CHST13: variants seen among roughly 807,000 people sequenced by gnomAD.
CHST13 encodes the protein carbohydrate sulfotransferase 13.
CHST13 carries 1 observed loss-of-function variant against 7.0 expected under a neutral mutation model. That is an observed-to-expected ratio of 0.14 (90% CI 0.05 to 0.68). The LOEUF (loss-of-function observed/expected upper bound fraction) is 0.68. Ranked by LOEUF, CHST13 falls within the 30% of genes least tolerant of loss-of-function variation. The pLI, the probability that CHST13 is intolerant of heterozygous loss-of-function variation, is 0.82. For missense variants in CHST13, 572 were observed against 507.9 expected (o/e 1.13, Z -1.21); for synonymous variants, 257 against 240.9 (o/e 1.07, Z -0.62).
chr3:126,532,458 A>G (rs548828996), intron 1 of CHST13, among the ~76,000 whole-genome samples: 21 of 149,466 alleles, frequency 1.4e-4, no homozygotes, highest in Admixed American at 1.2e-3. Flanking sequence ...TGGTATGAAG[A>G]TGGGGTACAA....
chr3:126,536,067 C>T (rs923916047), intron 1 of CHST13, among the ~76,000 whole-genome samples: 3 of 152,162 alleles, frequency 2.0e-5, no homozygotes, highest in Non-Finnish European at 2.9e-5. Context: ...AGGAATGACA[C>T]AAGATACTAC....
chr3:126,541,019 G>T (rs1169880874), intron 2 of CHST13, among the ~76,000 whole-genome samples: 1 of 152,234 alleles, frequency 6.6e-6, no homozygotes, highest in Non-Finnish European at 1.5e-5. Flanking sequence ...GTGATCTGAA[G>T]AAAGGGGAGC....
chr3:126,538,584 A>G (rs953035672), intron 2 of CHST13, among the ~76,000 whole-genome samples: 2 of 152,254 alleles, frequency 1.3e-5, no homozygotes, highest in Admixed American at 6.5e-5. Context: ...GAAGACTGAC[A>G]GGTGGCCGGA....
At chr3:126,527,684 G>C (rs4465899) in intron 1 of CHST13, 69,943 of 152,084 alleles carry the variant, frequency 0.46, 16,627 homozygotes, top group African/African-American at 0.58. Flanking sequence ...GGCCTGGCAG[G>C]CATCCTCCTC....
Position 126,542,570 on chromosome 3 carries a change from C to G in CHST13, c.1018C>G (p.Leu340Val). The G allele has an allele frequency of 6.7e-7, 1 of 1,492,242 alleles. No homozygotes were observed. The highest frequency in any genetic ancestry group is 2.6e-5 in the East Asian group (1 of 38,308). 92.4% of individuals were successfully genotyped at this position (1,492,242 alleles called of 1,614,324 possible). A position where few individuals can be genotyped will look rare whatever the true frequency, so the allele number is the denominator to read the frequency against. The change falls in exon 3 of 3, where the codon CTG becomes GTG. Residue 340 changes from leucine to valine, a missense_variant. Coordinates refer to ENST00000319340, the MANE Select transcript of CHST13 (RefSeq NM_152889.3). ...CTACTCCGCCCCCTCCTACCTGCGGCTGCTCTAGCGGTCCTGGAGGTCCTG... is the reference window on the plus strand; with the variant it reads ...CTACTCCGCCCCCTCCTACCTGCGGGTGCTCTAGCGGTCCTGGAGGTCCTG... ...FNYSAPSYLRLL is the reference protein window; with the variant it reads ...FNYSAPSYLRVL
At chr3:126,533,344 AGTT>A (rs1936697111) in intron 1 of CHST13, among the ~76,000 whole-genome samples, 1 of 152,074 alleles carries the variant, frequency 6.6e-6, no homozygotes, top group Non-Finnish European at 1.5e-5. Context: ...TTCACTATTA[AGTT>A]ATCTGAGGGT....
intron 1 of CHST13, among the ~76,000 whole-genome samples, chr3:126,533,976 A>G (rs180969588): frequency 2.0e-5 from 3 of 152,002 alleles, no homozygotes; most frequent in African/African-American, 4.8e-5. Context: ...GAATTTGTCT[A>G]TTTCTTGTAT....
At chr3:126,539,736 A>G in intron 2 of CHST13, among the ~76,000 whole-genome samples, 2 of 103,774 alleles carry the variant, frequency 1.9e-5, no homozygotes, top group Admixed American at 9.6e-5. Flanking sequence ...CACACCACAC[A>G]CACACCCCAC....
chr3:126,536,498 G>C (rs1306494508), intron 2 of CHST13, 145 bp downstream of exon 2: 2 of 619,096 alleles, frequency 3.2e-6, no homozygotes, highest in East Asian at 2.9e-5. Context: ...CTTTGTCAGA[G>C]AGCAGTGACA....
chr3:126,530,112 C>G lies in CHST13; in HGVS notation c.97+5683C>G, dbSNP rs1043781321. ...ACCCAAGGATCCTCAAGATACCCCCCTTCTGACCTCCTGTGCCCATCTGTC... is the reference window on the plus strand; with the variant it reads ...ACCCAAGGATCCTCAAGATACCCCCGTTCTGACCTCCTGTGCCCATCTGTC... On this transcript the variant is annotated intron_variant, in intron 1 of 2. Coordinates refer to ENST00000319340, the MANE Select transcript of CHST13 (RefSeq NM_152889.3). Among the ~76,000 whole-genome samples the G allele has an allele frequency of 3.9e-5, 6 of 152,250 alleles. 1 individual carries two copies. The highest frequency in any genetic ancestry group is 5.9e-5 in the Non-Finnish European group (4 of 68,040).
intron 1 of CHST13, chr3:126,529,148 GC>G (rs1936596535): frequency 2.6e-6 from 1 of 388,678 alleles, no homozygotes; most frequent in Non-Finnish European, 4.6e-6. Flanking sequence ...CAGGGCGCGA[GC>G]CCTGCTTTGG....
chr3:126,536,896 A>AACACACACACAC lies in CHST13; in HGVS notation c.180+560_180+571dup, dbSNP rs10670471. Among the ~76,000 whole-genome samples the AACACACACACAC allele has an allele frequency of 1.6e-3, 225 of 140,488 alleles. 3 individuals are homozygous for AACACACACACAC. The highest frequency in any genetic ancestry group is 4.9e-3 in the South Asian group (20 of 4,072). 92.2% of individuals were successfully genotyped at this position (140,488 alleles called of 152,430 possible). Reference sequence around the variant, plus strand: ...TCTCTCTTTCTCACACACACACACAAACACACACACACACACACACACACA... The same window carrying AACACACACACAC: ...TCTCTCTTTCTCACACACACACACAAACACACACACACACACACACACACACACACACACACA... On this transcript the variant is annotated intron_variant, in intron 2 of 2. Transcript: ENST00000319340.
intron 1 of CHST13, among the ~76,000 whole-genome samples, chr3:126,534,249 A>G (rs1936715941): frequency 1.3e-5 from 2 of 152,388 alleles, no homozygotes; most frequent in Admixed American, 6.5e-5. Flanking sequence ...TATATAGGCT[A>G]TATTACTGAG....
At position 126,535,061 on chromosome 3, in the gene CHST13, CAG is replaced by C. The variant is rs1936744117; in HGVS notation, c.98-1208_98-1207del. ...AGCATCGCTGTCCTCAGCCGGGAGA[CAG>C]ACAGACAGCATCCCTGTCCCCAGCC... On this transcript the variant is annotated intron_variant, in intron 1 of 2. Coordinates refer to ENST00000319340, the MANE Select transcript of CHST13 (RefSeq NM_152889.3). Among the ~76,000 whole-genome samples, 154 of 46,242 alleles carry C rather than the reference CAG, an allele frequency of 3.3e-3. 6 individuals are homozygous for C. Among genetic ancestry groups the C allele is most frequent in the East Asian group, 9.9e-3 (12 of 1,218 alleles). 30.3% of individuals were successfully genotyped at this position (46,242 alleles called of 152,430 possible).
chr3:126,533,628 T>C (rs993913546), intron 1 of CHST13, among the ~76,000 whole-genome samples: 1 of 152,208 alleles, frequency 6.6e-6, no homozygotes, highest in Non-Finnish European at 1.5e-5. Flanking sequence ...GGTTTGCCCA[T>C]ATTTTTTGAG....
chr3:126,529,317 C>T, intron 1 of CHST13: 1 of 1,289,352 alleles, frequency 7.8e-7, no homozygotes, highest in Non-Finnish European at 1.0e-6. Context: ...GCTCTCTCTG[C>T]TCTCCTTCCC....
chr3:126,542,181 CGCGCGCGCTCCCCGACGCCCGG>C lies in CHST13; in HGVS notation c.632_653del (p.Arg211ProfsTer69). The C allele has an allele frequency of 6.9e-7, 1 of 1,447,224 alleles. No homozygotes were observed. The highest frequency in any genetic ancestry group is 2.9e-5 in the East Asian group (1 of 34,676). The allele number at this position is 1,447,224 out of a possible 1,614,324, so 89.6% of individuals were successfully genotyped here. A position where few individuals can be genotyped will look rare whatever the true frequency, so the allele number is the denominator to read the frequency against. On this transcript the variant is annotated frameshift_variant, in exon 3 of 3. Transcript: ENST00000319340. LOFTEE classifies it low-confidence loss of function (END_TRUNC). ...GCACGCATCGTTCAGCGCCTGCGGC[CGCGCGCGCTCCCCGACGCCCGG>C]GCCCGCGGCCACGACGTGCGCTTCG...
chr3:126,532,172 C>T (rs1936673857), intron 1 of CHST13, among the ~76,000 whole-genome samples: 1 of 152,194 alleles, frequency 6.6e-6, no homozygotes, highest in Admixed American at 6.5e-5. Context: ...TAGTTCCTTA[C>T]CAGAGAGATA....
chr3:126,530,133 C>T (rs182101030), intron 1 of CHST13, among the ~76,000 whole-genome samples: 25 of 152,386 alleles, frequency 1.6e-4, no homozygotes, highest in Non-Finnish European at 3.4e-4. Context: ...CTGTGCCCAT[C>T]TGTCCCTCCA....
Sources: gnomAD v4.1 joint callset for allele counts (sites outside exome capture counted in the v4.1 genomes callset) on GRCh38, gnomAD v4.1.1 for gene constraint, MANE v1.5 for transcripts, NCBI Gene and HGNC (gene_info 2026-07-23, HGNC 2026-07-21) for gene names.